The following ATXN7 variants were observed in gnomAD, a reference collection of about 807,000 sequenced individuals.
ATXN7 encodes ataxin 7.
In ATXN7, 12 loss-of-function variants were observed where a neutral mutation model predicts 70.5. That is an observed-to-expected ratio of 0.17 (90% confidence interval 0.11 to 0.28). ATXN7 has a LOEUF of 0.28. ATXN7 is among the 10% of genes least tolerant of loss of function. The pLI, the probability that ATXN7 is intolerant of heterozygous loss-of-function variation, is 1.00. For missense variants in ATXN7, 1,256 were observed against 1,131.7 expected (o/e 1.11, Z -1.58); for synonymous variants, 498 against 448.7 (o/e 1.11, Z -1.39).
At chr3:63,956,697 C>T (rs867627045) in intron 5 of ATXN7, among the ~76,000 whole-genome samples, 2 of 152,248 alleles carry the variant, frequency 1.3e-5, no homozygotes, top group Middle Eastern at 3.4e-3. Flanking sequence ...CAGATACAGT[C>T]CACTCTGGTG....
At chr3:63,957,362 G>A (rs2075057070) in intron 5 of ATXN7, among the ~76,000 whole-genome samples, 1 of 152,178 alleles carries the variant, frequency 6.6e-6, no homozygotes, top group African/African-American at 2.4e-5. Flanking sequence ...TTTGGGCTCA[G>A]CTTGAGTCTC....
At chr3:63,954,185 A>G (rs905991551) in intron 5 of ATXN7, among the ~76,000 whole-genome samples, 4 of 152,238 alleles carry the variant, frequency 2.6e-5, no homozygotes, top group Non-Finnish European at 5.9e-5. Context: ...TGTGGACAAT[A>G]CAGACAATAT....
chr3:63,910,754 T>G (rs971307109), intron 2 of ATXN7, among the ~76,000 whole-genome samples: 4 of 152,232 alleles, frequency 2.6e-5, no homozygotes, highest in Non-Finnish European at 5.9e-5. Flanking sequence ...ATGGTTTCAC[T>G]TTTTGGACTT....
In ATXN7 at chr3:63,979,929, T is replaced by C. The variant is rs185196712; in HGVS notation, c.514T>C (p.Ser172Pro). ...TTCGTTTTCAGAAAGAAGACATAGC[T>C]CATCCAGCAAGCCGCCTTTGGCCGT... is the stretch of plus-strand genomic sequence containing the variant. ...FQSHYERRHS[S>P]SSKPPLAVPP... is the part of the protein sequence containing the mutation. The change falls in exon 6 of 13, where the codon TCA (serine) becomes CCA (proline). Residue 172 changes from serine (S) to proline (P), a missense_variant. By Grantham distance (74) the Ser-to-Pro change is moderately conservative. Transcript: ENST00000674280. The C allele has an allele frequency of 6.2e-7, 1 of 1,614,194 alleles. No individual in the cohort carries two copies. The highest frequency in any genetic ancestry group is 1.3e-5 in the African/African-American group (1 of 75,036).
chr3:63,914,260 G>A (rs1365621978), intron 4 of ATXN7, among the ~76,000 whole-genome samples: 1 of 152,046 alleles, frequency 6.6e-6, no homozygotes, highest in East Asian at 1.9e-4. Flanking sequence ...TTTCCTTCTC[G>A]CTTTTCACAC....
chr3:63,976,033 G>A (rs951589915), intron 5 of ATXN7, among the ~76,000 whole-genome samples: 4 of 152,144 alleles, frequency 2.6e-5, no homozygotes, highest in African/African-American at 9.7e-5. Context: ...CTGGAGAGAG[G>A]AGCGCTTTGA....
chr3:63,987,091 C>A (rs1399545845), intron 8 of ATXN7, among the ~76,000 whole-genome samples: 1 of 152,188 alleles, frequency 6.6e-6, no homozygotes, highest in African/African-American at 2.4e-5. Context: ...GACTCAACTG[C>A]CAATAAGATT....
In ATXN7 at chr3:63,999,817, G is replaced by A. The variant is rs2075815503; in HGVS notation, c.*350G>A. 6 of 428,272 alleles carry A rather than the reference G, an allele frequency of 1.4e-5. No homozygotes were observed. In the South Asian group the frequency reaches 1.9e-4, roughly 14 times the overall value. 26.5% of individuals were successfully genotyped at this position (428,272 alleles called of 1,614,324 possible). On this transcript the variant is annotated 3_prime_UTR_variant, in exon 13 of 13. Transcript: ENST00000674280. ...AGCCACTCTTCAAGTAGATTGGCTG[G>A]GCAAAAGAATGTTTTGGCAAGAGCG...
In ATXN7 at chr3:64,001,111, A is replaced by G. The variant is rs1189394402; in HGVS notation, c.*1644A>G. ...GAATTTCAAGTCAACAACAGGTAGAATGAATAAACTTGGTTACCAGCCTAA... is the reference window on the plus strand; with the variant it reads ...GAATTTCAAGTCAACAACAGGTAGAGTGAATAAACTTGGTTACCAGCCTAA... On this transcript the variant is annotated 3_prime_UTR_variant, in exon 13 of 13. Coordinates refer to ENST00000674280, the MANE Select transcript of ATXN7 (RefSeq NM_001377405.1). 1 of 152,200 alleles carries G rather than the reference A, an allele frequency of 6.6e-6. No individual in the cohort carries two copies. The highest frequency in any genetic ancestry group is 1.5e-5 in the Non-Finnish European group (1 of 68,030). 9.4% of individuals were successfully genotyped at this position (152,200 alleles called of 1,614,324 possible). A position where few individuals can be genotyped will look rare whatever the true frequency, so the allele number is the denominator to read the frequency against.
Position 63,922,985 on chromosome 3 carries a change from T to C in ATXN7, c.394+9760T>C, listed in dbSNP as rs143326899. ...AATCACACTCGATCAAGGACACCTA[T>C]GTAACTACTTTGGGCAGTTACTGGT... On this transcript the variant is annotated intron_variant, in intron 4 of 12. Transcript: ENST00000674280. Among the ~76,000 whole-genome samples, 822 of 152,320 alleles carry C rather than the reference T, an allele frequency of 5.4e-3. 8 individuals carry two copies. The highest frequency in any genetic ancestry group is 0.018 in the African/African-American group (765 of 41,580).
chr3:63,895,061 T>C (rs1163375908), intron 1 of ATXN7, among the ~76,000 whole-genome samples: 3 of 152,232 alleles, frequency 2.0e-5, no homozygotes, highest in Non-Finnish European at 2.9e-5. Context: ...TTCCCTGTTA[T>C]GCCCTCTCCA....
chr3:63,914,723 G>A (rs537110510), intron 4 of ATXN7, among the ~76,000 whole-genome samples: 47 of 152,258 alleles, frequency 3.1e-4, no homozygotes, highest in African/African-American at 1.0e-3. Flanking sequence ...TGCTGTAAAG[G>A]ATGAGTTAAG....
intron 4 of ATXN7, among the ~76,000 whole-genome samples, chr3:63,928,980 T>G (rs1435112886): frequency 6.6e-6 from 1 of 152,120 alleles, no homozygotes; most frequent in Non-Finnish European, 1.5e-5. Context: ...GAGGCTTGAG[T>G]GTGCATATTA....
At chr3:63,915,504 A>G (rs6809100) in intron 4 of ATXN7, among the ~76,000 whole-genome samples, 15,706 of 152,260 alleles carry the variant, frequency 0.1, 999 homozygotes, top group Admixed American at 0.15. Context: ...ATGAAAATAC[A>G]TTTAATATTA....
At chr3:63,961,273 T>C (rs555926397) in intron 5 of ATXN7, among the ~76,000 whole-genome samples, 47 of 152,346 alleles carry the variant, frequency 3.1e-4, no homozygotes, top group African/African-American at 1.1e-3. Context: ...TTAATACATA[T>C]TGTTCTGCTA....
At chr3:63,974,837 G>T (rs1338237639) in intron 5 of ATXN7, among the ~76,000 whole-genome samples, 4 of 152,180 alleles carry the variant, frequency 2.6e-5, no homozygotes, top group African/African-American at 9.7e-5. Flanking sequence ...CTGAATAAAG[G>T]GTATGGGAAG....
chr3:63,864,737 C>G (rs1190685419), intron 1 of ATXN7: 1 of 152,192 alleles, frequency 6.6e-6, no homozygotes, highest in African/African-American at 2.4e-5. Context: ...ATGTGACTGT[C>G]CCTATCTTAA....
chr3:63,946,515 C>T (rs547695585), intron 4 of ATXN7, among the ~76,000 whole-genome samples: 33 of 152,004 alleles, frequency 2.2e-4, no homozygotes, highest in African/African-American at 6.3e-4. Context: ...TGGTAGTGGG[C>T]GCCTGTAGTC....
intron 4 of ATXN7, among the ~76,000 whole-genome samples, chr3:63,925,206 A>T (rs1008644629): frequency 6.6e-6 from 1 of 152,200 alleles, no homozygotes; most frequent in Non-Finnish European, 1.5e-5. Flanking sequence ...ATCTGTTCAC[A>T]GTAAGAGGAA....
Sources: allele counts gnomAD v4.1 joint callset (sites outside exome capture counted in the v4.1 genomes callset), GRCh38; gene constraint gnomAD v4.1.1; transcripts MANE v1.5; gene names NCBI Gene and HGNC (gene_info 2026-07-23, HGNC 2026-07-21).